Variants in PDCD7 observed in about 807,000 individuals in gnomAD.
PDCD7 encodes the protein programmed cell death 7, also known as programmed cell death protein 7.
In PDCD7, 40 loss-of-function variants were observed where a neutral mutation model predicts 42.1. The observed-to-expected ratio is 0.95, with a 90% CI of 0.74 to 1.24. The LOEUF (loss-of-function observed/expected upper bound fraction) is 1.24. Ranked by LOEUF, PDCD7 falls within the 50% of genes most tolerant of loss-of-function variation. PDCD7 has a pLI of 0.00. For missense variants in PDCD7, 644 were observed against 662.8 expected, an observed-to-expected ratio of 0.97 and a Z score of 0.31; for synonymous variants, 299 against 303.3, an observed-to-expected ratio of 0.99 and a Z score of 0.15.
chr15:65,125,325 T>C (rs1371931992), intron 2 of PDCD7, among the ~76,000 whole-genome samples: 1 of 152,146 alleles, frequency 6.6e-6, no homozygotes, highest in Non-Finnish European at 1.5e-5. Context: ...ATTTTAACCA[T>C]GCTTAAGTTT....
intron 3 of PDCD7, 57 bp downstream of exon 3, chr15:65,119,661 T>A (rs536869293): frequency 1.3e-6 from 2 of 1,544,968 alleles, no homozygotes. Context: ...TCACCCGTGA[T>A]GAGAAGAGCG....
chr15:65,133,492 G>A lies in PDCD7; in HGVS notation c.290C>T (p.Pro97Leu). The stretch of plus-strand genomic sequence containing the variant: ...CTCGCCGGCGTCGGTCCCCGGGAAG[G>A]GCCGACACTGGGGCGGCGGAGGAGG... ...PLPPPPPQCRPFPGTDAGERP... is the reference protein window; with the variant it reads ...PLPPPPPQCRLFPGTDAGERP... Residue 97 changes from proline to leucine, a missense_variant, in exon 1 of 5, where the codon CCC becomes CTC. By Grantham distance (98) the Pro-to-Leu change is moderately conservative. Coordinates refer to ENST00000204549, the MANE Select transcript of PDCD7 (RefSeq NM_005707.2). The A allele has an allele frequency of 8.2e-7, 1 of 1,224,368 alleles. No homozygotes were observed. Among genetic ancestry groups the A allele is most frequent in the Non-Finnish European group, 1.0e-6 (1 of 983,386 alleles). 75.8% of individuals were successfully genotyped at this position (1,224,368 alleles called of 1,614,324 possible).
In PDCD7 at chr15:65,119,238, T is replaced by C. The variant is rs2087431598; in HGVS notation, c.1334+138A>G. On this transcript the variant is annotated intron_variant, in intron 4 of 4. Coordinates refer to ENST00000204549, the MANE Select transcript of PDCD7 (RefSeq NM_005707.2). ...GCATCCTTGAAACATGGAAACATTA[T>C]AAACCCATAGTTTTTTTTAAGTTCC... 4.1e-5 allele frequency: 25 copies of C among 609,910 alleles called. No individual in the cohort carries two copies. The South Asian group carries it at 5.2e-4, about 13-fold the overall frequency. The allele number at this position is 609,910 out of a possible 1,614,324, so 37.8% of individuals were successfully genotyped here.
In PDCD7 at chr15:65,133,504, G is replaced by A. The variant is rs1004223449; in HGVS notation, c.278C>T (p.Pro93Leu). ...VPPPPLPPPP[P>L]QCRPFPGTDA... is the part of the protein sequence containing the mutation. ...GGTCCCCGGGAAGGGCCGACACTGG[G>A]GCGGCGGAGGAGGCAGCGGCGGTGG... The change falls in exon 1 of 5, where the codon CCC (proline) becomes CTC (leucine). Residue 93 changes from proline to leucine, a missense_variant. Coordinates refer to ENST00000204549, the MANE Select transcript of PDCD7 (RefSeq NM_005707.2). The A allele has an allele frequency of 8.2e-6, 10 of 1,226,134 alleles. No individual in the cohort carries two copies. The African/African-American group carries it at 1.1e-4, about 13-fold the overall frequency. 76.0% of individuals were successfully genotyped at this position (1,226,134 alleles called of 1,614,324 possible). A position where few individuals can be genotyped will look rare whatever the true frequency, so the allele number is the denominator to read the frequency against.
chr15:65,131,972 G>C (rs981104518), intron 1 of PDCD7, among the ~76,000 whole-genome samples: 1 of 151,580 alleles, frequency 6.6e-6, no homozygotes, highest in Non-Finnish European at 1.5e-5. Flanking sequence ...ACTTCTCAAG[G>C]CTGTTATAAA....
chr15:65,129,282 G>T, intron 1 of PDCD7, 112 bp from the exon 2 acceptor site: 1 of 1,185,240 alleles, frequency 8.4e-7, no homozygotes, highest in Non-Finnish European at 1.2e-6. Flanking sequence ...GGTTAAGAGA[G>T]ACTCTATTGA....
At chr15:65,119,249 TTTTTTTTAAGTTCC>T (rs1250248441) in intron 4 of PDCD7, 113 bp downstream of exon 4, 69 of 619,286 alleles carry the variant, frequency 1.1e-4, no homozygotes, top group Middle Eastern at 8.2e-4. Flanking sequence ...AAACCCATAG[TTTTTTTTAAGTTCC>T]TTATGGAACT....
chr15:65,119,473 A>C lies in PDCD7; in HGVS notation c.1247-10T>G. ...GCAAGTGGGAACTCATCTGAAAGAGAAAAGCACAATACCACGTTATCATGC... is the reference window on the plus strand; with the variant it reads ...GCAAGTGGGAACTCATCTGAAAGAGCAAAGCACAATACCACGTTATCATGC... On this transcript the variant is annotated splice_polypyrimidine_tract_variant and intron_variant, in intron 3 of 4. Coordinates refer to ENST00000204549, the MANE Select transcript of PDCD7 (RefSeq NM_005707.2). 1 of 1,589,618 alleles carries C rather than the reference A, an allele frequency of 6.3e-7. No homozygotes were observed. Among genetic ancestry groups the C allele is most frequent in the South Asian group, 1.1e-5 (1 of 90,534 alleles).
intron 1 of PDCD7, among the ~76,000 whole-genome samples, chr15:65,131,466 C>G (rs749135585): frequency 5.3e-5 from 8 of 152,024 alleles, no homozygotes; most frequent in Admixed American, 3.9e-4. Flanking sequence ...ATGCCTTAGA[C>G]GGCCAGGTGC....
At chr15:65,130,234 T>C (rs1355836803) in intron 1 of PDCD7, among the ~76,000 whole-genome samples, 3 of 146,882 alleles carry the variant, frequency 2.0e-5, no homozygotes, top group Admixed American at 1.4e-4. Flanking sequence ...CTCGGCTTAC[T>C]GCAACCTCCG....
chr15:65,131,678 G>A (rs1403695754), intron 1 of PDCD7, among the ~76,000 whole-genome samples: 1 of 152,142 alleles, frequency 6.6e-6, no homozygotes, highest in African/African-American at 2.4e-5. Context: ...GAACCCGGGA[G>A]GTGGAGGTTG....
At chr15:65,125,389 C>T (rs767778617) in intron 2 of PDCD7, among the ~76,000 whole-genome samples, 5 of 152,184 alleles carry the variant, frequency 3.3e-5, no homozygotes, top group African/African-American at 4.8e-5. Flanking sequence ...TACCACACAC[C>T]TTGCCAGATA....
At chr15:65,132,775 G>T in intron 1 of PDCD7, 137 bp downstream of exon 1, 1 of 1,294,816 alleles carries the variant, frequency 7.7e-7, no homozygotes, top group Non-Finnish European at 1.1e-6. Flanking sequence ...GGTGGTATGA[G>T]CTGGGAAGGT....
Position 65,118,824 on chromosome 15 carries a change from A to C in PDCD7, c.1351T>G (p.Tyr451Asp). The C allele has an allele frequency of 6.3e-7, 1 of 1,599,694 alleles. No individual in the cohort carries two copies. Among genetic ancestry groups the C allele is most frequent in the Non-Finnish European group, 8.5e-7 (1 of 1,173,802 alleles). Residue 451 changes from tyrosine to aspartate, a missense_variant, in exon 5 of 5, where the codon TAC (tyrosine) becomes GAC (aspartate). By Grantham distance (160) the Tyr-to-Asp change is radical (BLOSUM62 -3). Transcript: ENST00000204549. ...TTGGGATGATCGGATGGCACCAGGT[A>C]CTGATCCCAATCATGCCTTAATAAG... ...LIQIRHDWDQYLVPSDHPKGN... is the reference protein window; with the variant it reads ...LIQIRHDWDQDLVPSDHPKGN...
In PDCD7 at chr15:65,132,825, C is replaced by T. The variant is rs1304025927; in HGVS notation, c.870+87G>A. 7 of 1,566,656 alleles carry T rather than the reference C, an allele frequency of 4.5e-6. No individual in the cohort carries two copies. In the South Asian group the frequency reaches 4.6e-5, roughly 10 times the overall value. On this transcript the variant is annotated intron_variant, in intron 1 of 4. Coordinates refer to ENST00000204549, the MANE Select transcript of PDCD7 (RefSeq NM_005707.2). ...TTTTGCGCGTAAAACAGAGGCTTAG[C>T]CCTGGGAAATGGAAGTTTAAAGCCT...
At chr15:65,130,378 G>A (rs949350408) in intron 1 of PDCD7, among the ~76,000 whole-genome samples, 4 of 151,838 alleles carry the variant, frequency 2.6e-5, no homozygotes, top group Non-Finnish European at 4.4e-5. Flanking sequence ...GGCTGGTCCC[G>A]AACTCCTGAC....
Position 65,131,890 on chromosome 15 carries a change from C to G in PDCD7, c.870+1022G>C, listed in dbSNP as rs1428337846. Among the ~76,000 whole-genome samples the G allele has an allele frequency of 1.1e-4, 17 of 152,100 alleles. No homozygotes were observed. The East Asian group carries it at 2.7e-3, about 24-fold the overall frequency. On this transcript the variant is annotated intron_variant, in intron 1 of 4. Transcript: ENST00000204549. ...CAAATATGGGAAACTGCCACAAACT[C>G]GTTGTGTGACTGTTGGCAAGTTAAC...
intron 2 of PDCD7, among the ~76,000 whole-genome samples, chr15:65,125,174 T>C (rs143388788): frequency 3.9e-5 from 6 of 152,320 alleles, no homozygotes; most frequent in Admixed American, 1.3e-4. Context: ...TTTTCATGCT[T>C]GTGTAAGATG....
chr15:65,118,608 CA>C lies in PDCD7; in HGVS notation c.*108del. The stretch of plus-strand genomic sequence containing the variant: ...GCATAACTTCAGGGTAGGGGAATGC[CA>C]CATGGAATTTAGAAGTTGCAGTTTA... On this transcript the variant is annotated 3_prime_UTR_variant, in exon 5 of 5. Transcript: ENST00000204549. 1 of 1,166,246 alleles carries C rather than the reference CA, an allele frequency of 8.6e-7. No homozygotes were observed. Among genetic ancestry groups the C allele is most frequent in the Non-Finnish European group, 1.2e-6 (1 of 848,086 alleles). 72.2% of individuals were successfully genotyped at this position (1,166,246 alleles called of 1,614,324 possible).
Sources: gnomAD v4.1 joint callset for allele counts (sites outside exome capture counted in the v4.1 genomes callset) on GRCh38, gnomAD v4.1.1 for gene constraint, MANE v1.5 for transcripts, NCBI Gene and HGNC (gene_info 2026-07-23, HGNC 2026-07-21) for gene names.